The following TNS1 variants were observed in gnomAD, a reference collection of about 807,000 sequenced individuals.
TNS1 encodes the protein tensin 1, also known as tensin-1.
TNS1 carries 62 observed loss-of-function variants against 168.6 expected under a neutral mutation model. The observed-to-expected ratio is 0.37, with a 90% CI of 0.30 to 0.45. The LOEUF (loss-of-function observed/expected upper bound fraction) is 0.45, where lower values mean the gene tolerates loss of function less well. Among genes scored for constraint, TNS1 ranks in the 20% least tolerant of loss-of-function variants. The pLI is 1.00. For missense variants in TNS1, 2,240 were observed against 2,339.4 expected (o/e 0.96, Z 0.88); for synonymous variants, 934 against 933.2 (o/e 1.00, Z -0.02).
chr2:217,941,364 C>T (rs1323963869), intron 3 of TNS1, among the ~76,000 whole-genome samples: 1 of 152,210 alleles, frequency 6.6e-6, no homozygotes, highest in Non-Finnish European at 1.5e-5. Flanking sequence ...GTCACGCAGC[C>T]CACCACAGGC....
chr2:217,939,593 G>A (rs918050128), intron 3 of TNS1, among the ~76,000 whole-genome samples: 3 of 152,238 alleles, frequency 2.0e-5, no homozygotes, highest in Admixed American at 1.3e-4. Context: ...CCCAGGTCTG[G>A]GGCCCCATAG....
chr2:217,860,657 C>T (rs770716267), intron 18 of TNS1, among the ~76,000 whole-genome samples: 4 of 152,228 alleles, frequency 2.6e-5, no homozygotes, highest in Non-Finnish European at 5.9e-5. Flanking sequence ...ATATCATCTA[C>T]ATTATTATTT....
intron 1 of TNS1, among the ~76,000 whole-genome samples, chr2:218,031,853 G>C (rs1440785415): frequency 6.6e-6 from 1 of 152,222 alleles, no homozygotes; most frequent in Non-Finnish European, 1.5e-5. Flanking sequence ...TAGTTCTCCG[G>C]GCTGAAAGAA....
At chr2:217,919,502 T>C (rs3828280) in intron 4 of TNS1, among the ~76,000 whole-genome samples, 29,768 of 152,206 alleles carry the variant, frequency 0.2, 5,326 homozygotes, top group African/African-American at 0.47. Flanking sequence ...CCTTGTCTGC[T>C]TCTAGGGCCA....
chr2:217,969,061 A>G (rs1957717409), intron 3 of TNS1, among the ~76,000 whole-genome samples: 1 of 152,216 alleles, frequency 6.6e-6, no homozygotes, highest in Non-Finnish European at 1.5e-5. Context: ...AAACCCTATC[A>G]GAATTCCAAC....
At chr2:217,905,887 G>T (rs1432933231) in intron 6 of TNS1, among the ~76,000 whole-genome samples, 1 of 152,214 alleles carries the variant, frequency 6.6e-6, no homozygotes, top group Non-Finnish European at 1.5e-5. Context: ...TGAACCAATA[G>T]CATCTAAGCC....
At chr2:217,906,199 C>T in intron 6 of TNS1, 136 bp downstream of exon 6, 1 of 620,426 alleles carries the variant, frequency 1.6e-6, no homozygotes, top group Non-Finnish European at 2.9e-6. Context: ...ATGGGCCTGC[C>T]CACAATGCCA....
chr2:217,842,097 T>C, intron 19 of TNS1: 1 of 703,042 alleles, frequency 1.4e-6, no homozygotes, highest in Non-Finnish European at 2.6e-6. Flanking sequence ...CCTATGCTGG[T>C]TCCCTCCTCC....
At chr2:217,871,533 C>A (rs1467269861) in intron 18 of TNS1, among the ~76,000 whole-genome samples, 3 of 152,268 alleles carry the variant, frequency 2.0e-5, no homozygotes, top group Admixed American at 6.5e-5. Flanking sequence ...CAATCCTGTA[C>A]TCCCCTCTCT....
chr2:217,934,602 CT>C (rs1249362070), intron 3 of TNS1, among the ~76,000 whole-genome samples: 2 of 152,240 alleles, frequency 1.3e-5, no homozygotes, highest in African/African-American at 4.8e-5. Flanking sequence ...GCTTCATTGG[CT>C]CCAATCCTGC....
rs1176552087 is a variant in TNS1, at chr2:217,995,406, G to C, written c.34-4350C>G. On this transcript the variant is annotated intron_variant, in intron 1 of 32. Coordinates refer to ENST00000682258, the MANE Select transcript of TNS1 (RefSeq NM_001387777.1). This position sits in a 1 kb window ranked among gnomAD's most constrained non-coding sequence, Gnocchi z 4.1. ...TCAGAAGGCAAAACCAAAACCAGGG[G>C]GCAGGCACTGCAAGAAGGCATAATG... Among the ~76,000 whole-genome samples the C allele has an allele frequency of 6.6e-6, 1 of 151,998 alleles. No individual in the cohort carries two copies. The highest frequency in any genetic ancestry group is 1.5e-5 in the Non-Finnish European group (1 of 67,990).
At chr2:217,925,972 C>T (rs1179733251) in intron 3 of TNS1, among the ~76,000 whole-genome samples, 4 of 152,114 alleles carry the variant, frequency 2.6e-5, no homozygotes, top group African/African-American at 9.7e-5. Flanking sequence ...AAGTCCTAAC[C>T]CTCAGTAGCC....
Position 217,801,776 on chromosome 2 carries a change from A to G in TNS1, c.*2683T>C, listed in dbSNP as rs548188952. 47 of 152,368 alleles carry G rather than the reference A, an allele frequency of 3.1e-4. No individual in the cohort carries two copies. Among genetic ancestry groups the G allele is most frequent in the African/African-American group, 1.1e-3 (47 of 41,584 alleles). The allele number at this position is 152,368 out of a possible 1,614,324, so 9.4% of individuals were successfully genotyped here. On this transcript the variant is annotated 3_prime_UTR_variant, in exon 33 of 33. Transcript: ENST00000682258. Reference sequence around the variant, plus strand: ...TGGTGCAGGGCCCAGAGGTGGGGCCACTGTGGGGACTGGGGAACCCTTCCC... The same window carrying G: ...TGGTGCAGGGCCCAGAGGTGGGGCCGCTGTGGGGACTGGGGAACCCTTCCC...
intron 9 of TNS1, among the ~76,000 whole-genome samples, chr2:217,894,739 A>T (rs1412022128): frequency 6.6e-6 from 1 of 152,152 alleles, no homozygotes; most frequent in African/African-American, 2.4e-5. Context: ...TCCAAAAACT[A>T]AACATCTCAC....
intron 1 of TNS1, among the ~76,000 whole-genome samples, chr2:218,020,480 G>A (rs944963507): frequency 9.2e-5 from 14 of 152,078 alleles, no homozygotes; most frequent in Non-Finnish European, 1.5e-4. Context: ...ATAAGCCTGA[G>A]AACGCTGACC....
At chr2:217,889,303 T>TAGCC (rs1392445317) in intron 12 of TNS1, among the ~76,000 whole-genome samples, 1 of 152,206 alleles carries the variant, frequency 6.6e-6, no homozygotes, top group African/African-American at 2.4e-5. Flanking sequence ...ATGGCGGGAA[T>TAGCC]AGCCCCCAGC....
intron 6 of TNS1, chr2:217,903,644 A>T: frequency 6.6e-7 from 1 of 1,525,028 alleles, no homozygotes; most frequent in South Asian, 1.2e-5. Context: ...GGCACCATGA[A>T]AGGAAATTCG....
At position 217,995,406 on chromosome 2, in the gene TNS1, G is replaced by T. The variant is rs1176552087; in HGVS notation, c.34-4350C>A. ...TCAGAAGGCAAAACCAAAACCAGGG[G>T]GCAGGCACTGCAAGAAGGCATAATG... is the stretch of plus-strand genomic sequence containing the variant. On this transcript the variant is annotated intron_variant, in intron 1 of 32. Transcript: ENST00000682258. This position sits in a 1 kb window ranked among gnomAD's most constrained non-coding sequence, Gnocchi z 4.1. 6.6e-6 allele frequency among the ~76,000 whole-genome samples: 1 copy of T among 151,998 alleles called. No individual in the cohort carries two copies. Among genetic ancestry groups the T allele is most frequent in the African/African-American group, 2.4e-5 (1 of 41,374 alleles).
intron 7 of TNS1, among the ~76,000 whole-genome samples, chr2:217,899,678 CT>C (rs1952725459): frequency 6.6e-6 from 1 of 152,224 alleles, no homozygotes; most frequent in Non-Finnish European, 1.5e-5. Flanking sequence ...TGACCCGCCC[CT>C]GTCTACAGGC....
Sources: allele counts gnomAD v4.1 joint callset (sites outside exome capture counted in the v4.1 genomes callset), GRCh38; gene constraint gnomAD v4.1.1; non-coding constraint Gnocchi (gnomAD v3.1); transcripts MANE v1.5; gene names NCBI Gene and HGNC (gene_info 2026-07-23, HGNC 2026-07-21).